The following WWOX variants were observed in gnomAD, a reference collection of about 807,000 sequenced individuals.
WWOX encodes the protein WW domain containing oxidoreductase, also known as WW domain-containing oxidoreductase.
A neutral mutation model predicts 46.2 loss-of-function variants in WWOX; 69 were observed. The observed-to-expected ratio is 1.49, with a 90% confidence interval of 1.23 to 1.82. WWOX has a LOEUF of 1.82. WWOX is among the 40% of genes most tolerant of loss of function. WWOX has a pLI of 0.00. For missense variants in WWOX, 919 were observed against 542.6 expected, an observed-to-expected ratio of 1.69 and a Z score of -6.89; for synonymous variants, 359 against 202.6, an observed-to-expected ratio of 1.77 and a Z score of -6.56.
chr16:78,385,940 C>G (rs1283567328), intron 5 of WWOX, among the ~76,000 whole-genome samples: 2 of 152,186 alleles, frequency 1.3e-5, no homozygotes, highest in Admixed American at 1.3e-4. Flanking sequence ...GGCCCATACA[C>G]AGAAGGCTAG....
At chr16:78,210,940 T>G (rs915176872) in intron 5 of WWOX, among the ~76,000 whole-genome samples, 2 of 152,234 alleles carry the variant, frequency 1.3e-5, no homozygotes, top group African/African-American at 2.4e-5. Context: ...GCTAAGTGAT[T>G]TAAGTACATC....
intron 8 of WWOX, among the ~76,000 whole-genome samples, chr16:78,879,495 C>T (rs1364450564): frequency 6.6e-6 from 1 of 151,358 alleles, no homozygotes; most frequent in African/African-American, 2.4e-5. Context: ...GTCTTCAAGT[C>T]CACTCTCAAA....
chr16:78,473,073 A>G (rs1219185904), intron 8 of WWOX, among the ~76,000 whole-genome samples: 1 of 152,232 alleles, frequency 6.6e-6, no homozygotes. Flanking sequence ...CATGAAGTTT[A>G]AACTTGAGTG....
At chr16:78,705,760 A>C (rs1442304543) in intron 8 of WWOX, among the ~76,000 whole-genome samples, 1 of 152,232 alleles carries the variant, frequency 6.6e-6, no homozygotes, top group Admixed American at 6.5e-5. Context: ...CCATCAGAGC[A>C]CATACTGCTT....
chr16:78,710,462 C>T (rs1394185841), intron 8 of WWOX, among the ~76,000 whole-genome samples: 11 of 44,636 alleles, frequency 2.5e-4, no homozygotes, highest in African/African-American at 6.8e-4. Context: ...GCAATTAAAG[C>T]TAATGGATCT....
At chr16:78,120,146 C>G (rs886874255) in intron 4 of WWOX, among the ~76,000 whole-genome samples, 8 of 152,126 alleles carry the variant, frequency 5.3e-5, no homozygotes, top group Non-Finnish European at 1.0e-4. Flanking sequence ...AATCACCTCT[C>G]TAACGTGTAT....
chr16:78,729,939 G>C (rs1331943644), intron 8 of WWOX, among the ~76,000 whole-genome samples: 1 of 152,176 alleles, frequency 6.6e-6, no homozygotes, highest in Admixed American at 6.5e-5. Context: ...TGCAATGCCA[G>C]ATCCAGAGCA....
chr16:78,735,058 G>T (rs1024394022), intron 8 of WWOX, among the ~76,000 whole-genome samples: 9 of 150,816 alleles, frequency 6.0e-5, no homozygotes, highest in Non-Finnish European at 1.2e-4. Context: ...GTAGAGACAG[G>T]GTTTCACCAT....
At chr16:78,868,213 T>G (rs77467033) in intron 8 of WWOX, among the ~76,000 whole-genome samples, 1,547 of 152,284 alleles carry the variant, frequency 0.01, 27 homozygotes, top group African/African-American at 0.036. Context: ...GAACTAACTC[T>G]GGATACCTTT....
intron 5 of WWOX, among the ~76,000 whole-genome samples, chr16:78,293,987 A>C (rs1450198580): frequency 2.7e-5 from 4 of 148,314 alleles, no homozygotes; most frequent in African/African-American, 4.9e-5. Flanking sequence ...AGAAAAAAAA[A>C]AAAAAAAAAA....
intron 8 of WWOX, among the ~76,000 whole-genome samples, chr16:79,068,707 A>G (rs548006433): frequency 6.6e-6 from 1 of 151,882 alleles, no homozygotes; most frequent in Non-Finnish European, 1.5e-5. Context: ...GCCACTCAGG[A>G]GGCTGAGGTG....
At chr16:78,702,044 TAA>T (rs1215807051) in intron 8 of WWOX, among the ~76,000 whole-genome samples, 5 of 110,032 alleles carry the variant, frequency 4.5e-5, no homozygotes, top group Admixed American at 9.2e-5. Context: ...TATATATATA[TAA>T]AATAATGCAG....
At chr16:78,336,901 C>T (rs983475273) in intron 5 of WWOX, among the ~76,000 whole-genome samples, 2 of 152,236 alleles carry the variant, frequency 1.3e-5, no homozygotes, top group Admixed American at 1.3e-4. Context: ...GCCTCAGCCT[C>T]CTGAGTAGCT....
chr16:79,178,197 C>T (rs2050839817), intron 8 of WWOX, among the ~76,000 whole-genome samples: 1 of 152,176 alleles, frequency 6.6e-6, no homozygotes, highest in Non-Finnish European at 1.5e-5. Context: ...GCAAAACAAC[C>T]ATGGACAATA....
chr16:79,138,224 C>T (rs1470825747), intron 8 of WWOX, among the ~76,000 whole-genome samples: 2 of 152,104 alleles, frequency 1.3e-5, no homozygotes, highest in East Asian at 3.9e-4. Flanking sequence ...GGAGTCATTC[C>T]AGTTGGGGAA....
intron 8 of WWOX, among the ~76,000 whole-genome samples, chr16:78,874,621 G>C (rs780321969): frequency 6.6e-6 from 1 of 151,370 alleles, no homozygotes; most frequent in Non-Finnish European, 1.5e-5. Flanking sequence ...AGACATGTTG[G>C]CAATGGGTAG....
intron 8 of WWOX, among the ~76,000 whole-genome samples, chr16:79,115,470 GC>G (rs1287905478): frequency 3.9e-5 from 6 of 151,954 alleles, no homozygotes; most frequent in African/African-American, 1.5e-4. Context: ...CTTGTTATAA[GC>G]CAGCCACACA....
At chr16:79,155,559 G>C (rs971655316) in intron 8 of WWOX, among the ~76,000 whole-genome samples, 1 of 152,116 alleles carries the variant, frequency 6.6e-6, no homozygotes, top group African/African-American at 2.4e-5. Context: ...AAAACTACAT[G>C]GTTGGCTGGA....
At position 78,610,692 on chromosome 16, in the gene WWOX, T is replaced by A. The variant is rs180777104; in HGVS notation, c.1056+177940T>A. 9.2e-5 allele frequency among the ~76,000 whole-genome samples: 14 copies of A among 152,254 alleles called. No homozygotes were observed. In the East Asian group the frequency reaches 2.5e-3, roughly 27 times the overall value. On this transcript the variant is annotated intron_variant, in intron 8 of 8. Coordinates refer to ENST00000566780, the MANE Select transcript of WWOX (RefSeq NM_016373.4). ...ATGGGGTGCTAGTTTTTATATTAGGTCTGAGATGTGGAAAACAGAAATCTA... is the reference window on the plus strand; with the variant it reads ...ATGGGGTGCTAGTTTTTATATTAGGACTGAGATGTGGAAAACAGAAATCTA...
Sources: allele counts gnomAD v4.1 joint callset (sites outside exome capture counted in the v4.1 genomes callset), GRCh38; gene constraint gnomAD v4.1.1; transcripts MANE v1.5; gene names NCBI Gene and HGNC (gene_info 2026-07-23, HGNC 2026-07-21).